ADARB2: variants seen among roughly 807,000 people sequenced by gnomAD.
ADARB2 encodes the protein inactive double-stranded RNA-specific editase B2.
In ADARB2, 25 loss-of-function variants were observed where a neutral mutation model predicts 62.2. That is an observed-to-expected ratio of 0.40 (90% confidence interval 0.29 to 0.56). The LOEUF is 0.56. Ranked by LOEUF, ADARB2 falls within the 20% of genes least tolerant of loss-of-function variation. ADARB2 has a pLI of 0.43. For missense variants in ADARB2, 1,071 were observed against 1,077.4 expected (o/e 0.99, Z 0.08); for synonymous variants, 572 against 500.8 (o/e 1.14, Z -1.90).
At chr10:1,558,038 G>A (rs1239852538) in intron 1 of ADARB2, among the ~76,000 whole-genome samples, 1 of 152,134 alleles carries the variant, frequency 6.6e-6, no homozygotes, top group Non-Finnish European at 1.5e-5. Flanking sequence ...AGCCTCAGTG[G>A]CATCACCCCA....
chr10:1,199,900 G>A (rs1836960592), intron 8 of ADARB2, 66 bp downstream of exon 8: 13 of 1,420,952 alleles, frequency 9.1e-6, no homozygotes, highest in Middle Eastern at 2.6e-4. Context: ...TGGCACCGCC[G>A]GGCACACCTG....
chr10:1,727,480 A>G (rs1835181035), intron 1 of ADARB2, among the ~76,000 whole-genome samples: 1 of 152,212 alleles, frequency 6.6e-6, no homozygotes, highest in Admixed American at 6.5e-5. Flanking sequence ...CCGATTATTT[A>G]AGAAATTCTT....
intron 1 of ADARB2, among the ~76,000 whole-genome samples, chr10:1,705,202 T>A (rs1332998029): frequency 6.6e-6 from 1 of 152,208 alleles, no homozygotes; most frequent in African/African-American, 2.4e-5. Flanking sequence ...CGAAACCACT[T>A]TGACACTTTG....
At chr10:1,713,031 C>A (rs2119153580) in intron 1 of ADARB2, among the ~76,000 whole-genome samples, 1 of 152,310 alleles carries the variant, frequency 6.6e-6, no homozygotes, top group African/African-American at 2.4e-5. Context: ...TCTATCAAAT[C>A]ATTTCCACTT....
At chr10:1,714,277 G>A (rs372482615) in intron 1 of ADARB2, among the ~76,000 whole-genome samples, 3 of 152,228 alleles carry the variant, frequency 2.0e-5, no homozygotes, top group African/African-American at 4.8e-5. Flanking sequence ...CGTAAACGAC[G>A]TGTGAGTGTC....
intron 1 of ADARB2, among the ~76,000 whole-genome samples, chr10:1,586,445 C>T (rs1833181312): frequency 6.6e-6 from 1 of 152,196 alleles, no homozygotes; most frequent in South Asian, 2.1e-4. Flanking sequence ...TTTTCAGATG[C>T]ATTTGACTTC....
In ADARB2 at chr10:1,687,261, A is replaced by G. The variant is rs941264068; in HGVS notation, c.100+49790T>C. Among the ~76,000 whole-genome samples, 5 of 152,100 alleles carry G rather than the reference A, an allele frequency of 3.3e-5. No individual in the cohort carries two copies. In the South Asian group the frequency reaches 8.3e-4, roughly 25 times the overall value. On this transcript the variant is annotated intron_variant, in intron 1 of 9. Coordinates refer to ENST00000381312, the MANE Select transcript of ADARB2 (RefSeq NM_018702.4). ...GGCTGGTCTCAAACTCCTGAACTCAAGTGATCCACCCACCTCAGCCTCCCA... is the reference window on the plus strand; with the variant it reads ...GGCTGGTCTCAAACTCCTGAACTCAGGTGATCCACCCACCTCAGCCTCCCA...
In ADARB2 at chr10:1,184,996, G is replaced by A. The variant is rs1589145050; in HGVS notation, c.1908C>T (p.Pro636=). The change falls in exon 9 of 10, where the codon CCC becomes CCT. Residue 636 remains proline (P), a synonymous_variant. Transcript: ENST00000381312. ...AEARQPGKSP[P]FSMNWVVGSA... is the part of the protein sequence containing the mutation. ...TGCCCACGACCCAGTTCATGCTGAAGGGGGGCGACTTCCCCGGCTGGCGCG... is the reference window on the plus strand; with the variant it reads ...TGCCCACGACCCAGTTCATGCTGAAAGGGGGCGACTTCCCCGGCTGGCGCG... 20 of 1,613,526 alleles carry A rather than the reference G, an allele frequency of 1.2e-5. No homozygotes were observed. Among genetic ancestry groups the A allele is most frequent in the Non-Finnish European group, 1.4e-5 (17 of 1,179,920 alleles).
chr10:1,226,499 T>A (rs549241474), intron 6 of ADARB2, among the ~76,000 whole-genome samples: 1 of 152,328 alleles, frequency 6.6e-6, no homozygotes, highest in South Asian at 2.1e-4. Flanking sequence ...TTTTTAGAGT[T>A]TCCAGTTTTT....
chr10:1,187,385 C>A (rs1213945068), intron 8 of ADARB2, among the ~76,000 whole-genome samples: 1 of 151,860 alleles, frequency 6.6e-6, no homozygotes, highest in Non-Finnish European at 1.5e-5. Context: ...CCTCCTCCTC[C>A]CGCTCCCATC....
At chr10:1,600,857 A>T (rs1031326682) in intron 1 of ADARB2, among the ~76,000 whole-genome samples, 3 of 152,060 alleles carry the variant, frequency 2.0e-5, no homozygotes, top group Non-Finnish European at 2.9e-5. Context: ...GGTGATGCTA[A>T]ATCCCTCCTC....
chr10:1,285,732 A>G (rs1160895910), intron 3 of ADARB2, among the ~76,000 whole-genome samples: 2 of 152,234 alleles, frequency 1.3e-5, no homozygotes, highest in Non-Finnish European at 2.9e-5. Context: ...ACATTGGAAA[A>G]TGAACTTTAA....
chr10:1,669,521 C>T (rs1442307259), intron 1 of ADARB2, among the ~76,000 whole-genome samples: 2 of 151,674 alleles, frequency 1.3e-5, no homozygotes, highest in Admixed American at 6.6e-5. Flanking sequence ...CACACAGACA[C>T]ACTCACAGAG....
At chr10:1,483,378 C>T (rs550251441) in intron 1 of ADARB2, among the ~76,000 whole-genome samples, 40 of 152,286 alleles carry the variant, frequency 2.6e-4, no homozygotes, top group African/African-American at 7.9e-4. Flanking sequence ...ACTGTTCTAA[C>T]GGTGTAAGAA....
intron 4 of ADARB2, among the ~76,000 whole-genome samples, chr10:1,260,357 A>C (rs917314017): frequency 2.0e-5 from 3 of 152,122 alleles, no homozygotes; most frequent in Non-Finnish European, 4.4e-5. Context: ...AGAGGAAGTC[A>C]AATTGTCCCT....
chr10:1,187,798 G>A (rs1836780737), intron 8 of ADARB2: 1 of 405,144 alleles, frequency 2.5e-6, no homozygotes, highest in South Asian at 1.8e-5. Context: ...GGGAGGCGCT[G>A]GCGGGTGGGC....
chr10:1,452,994 C>A (rs974978374), intron 1 of ADARB2, among the ~76,000 whole-genome samples: 1 of 152,174 alleles, frequency 6.6e-6, no homozygotes, highest in Non-Finnish European at 1.5e-5. Flanking sequence ...CCGGGCCTGA[C>A]AATCTGCATT....
chr10:1,208,812 C>A (rs936391861), intron 7 of ADARB2, among the ~76,000 whole-genome samples: 12 of 152,192 alleles, frequency 7.9e-5, no homozygotes, highest in African/African-American at 2.9e-4. Flanking sequence ...TCTGGGAGGG[C>A]CTGATTTGTC....
At chr10:1,266,680 G>C (rs988492572) in intron 4 of ADARB2, among the ~76,000 whole-genome samples, 15 of 152,226 alleles carry the variant, frequency 9.9e-5, no homozygotes, top group African/African-American at 3.6e-4. Context: ...TCGTTCACAA[G>C]TGTGTGTATT....
Sources: gnomAD v4.1 joint callset for allele counts (sites outside exome capture counted in the v4.1 genomes callset) on GRCh38, gnomAD v4.1.1 for gene constraint, MANE v1.5 for transcripts, NCBI Gene and HGNC (gene_info 2026-07-23, HGNC 2026-07-21) for gene names.